Variants in RELN observed in about 807,000 individuals in gnomAD.
RELN encodes the protein reelin.
RELN carries 108 observed loss-of-function variants against 427.6 expected under a neutral mutation model. The ratio of observed to expected loss-of-function variants is 0.25; its 90% CI spans 0.22 to 0.30. The LOEUF (loss-of-function observed/expected upper bound fraction) is 0.30. Ranked by LOEUF, RELN falls within the 10% of genes least tolerant of loss-of-function variation. The pLI is 1.00. For missense variants in RELN, 3,715 were observed against 4,302.8 expected, an observed-to-expected ratio of 0.86 and a Z score of 3.82; for synonymous variants, 1,524 against 1,513.4, an observed-to-expected ratio of 1.01 and a Z score of -0.16.
intron 38 of RELN, among the ~76,000 whole-genome samples, chr7:103,555,453 A>G (rs6943170): frequency 0.024 from 3,621 of 152,258 alleles, 68 homozygotes; most frequent in Middle Eastern, 0.075. Flanking sequence ...GGTGGAATCA[A>G]TGAAAAAATA....
At chr7:103,923,510 A>G (rs1373234471) in intron 1 of RELN, among the ~76,000 whole-genome samples, 1 of 152,234 alleles carries the variant, frequency 6.6e-6, no homozygotes, top group Non-Finnish European at 1.5e-5. Context: ...CTGGAAGTCA[A>G]GATTCACTGA....
At chr7:103,475,465 G>A (rs1828003196) in intron 64 of RELN, among the ~76,000 whole-genome samples, 1 of 151,902 alleles carries the variant, frequency 6.6e-6, no homozygotes, top group Admixed American at 6.6e-5. Context: ...ATAACTATAA[G>A]GAATAATTGC....
chr7:103,941,376 A>G (rs1338609956), intron 1 of RELN, among the ~76,000 whole-genome samples: 1 of 152,206 alleles, frequency 6.6e-6, no homozygotes, highest in Non-Finnish European at 1.5e-5. Flanking sequence ...ATGGAAGAAT[A>G]CAAACCATTT....
At chr7:103,917,303 AT>A (rs1191873079) in intron 1 of RELN, 118 bp from the exon 2 acceptor site, 3 of 788,224 alleles carry the variant, frequency 3.8e-6, no homozygotes, top group African/African-American at 3.5e-5. Context: ...TTTTTATACT[AT>A]ACCTAGTTGG....
chr7:103,632,267 T>G (rs1200676086), intron 19 of RELN, among the ~76,000 whole-genome samples: 1 of 152,230 alleles, frequency 6.6e-6, no homozygotes, highest in Admixed American at 6.5e-5. Context: ...TCTGTGAAAT[T>G]AGAATAATGC....
chr7:103,826,900 G>A (rs1341451638), intron 3 of RELN, among the ~76,000 whole-genome samples: 2 of 151,814 alleles, frequency 1.3e-5, no homozygotes, highest in African/African-American at 2.4e-5. Flanking sequence ...GGAACACCTT[G>A]TGGATACCAA....
intron 3 of RELN, among the ~76,000 whole-genome samples, chr7:103,801,671 T>C (rs1792470431): frequency 6.6e-6 from 1 of 151,792 alleles, no homozygotes; most frequent in African/African-American, 2.4e-5. Flanking sequence ...ATGGCACATA[T>C]ATACCTATGT....
intron 50 of RELN, chr7:103,514,059 T>TATCA (rs1829496360): frequency 1.3e-5 from 2 of 152,200 alleles, no homozygotes; most frequent in African/African-American, 2.4e-5. Flanking sequence ...GGAAGATTCT[T>TATCA]ATCAGTCTTA....
chr7:103,854,824 A>G (rs62482265), intron 2 of RELN, among the ~76,000 whole-genome samples: 22,122 of 152,184 alleles, frequency 0.15, 1,888 homozygotes, highest in East Asian at 0.34. Flanking sequence ...TCTAGCCTGA[A>G]GATTCCGGAT....
At chr7:103,548,269 A>G (rs1267474244) in intron 41 of RELN, among the ~76,000 whole-genome samples, 1 of 152,196 alleles carries the variant, frequency 6.6e-6, no homozygotes, top group African/African-American at 2.4e-5. Context: ...CATTTAATAC[A>G]CTTTTTGTGT....
rs1287668779 is a variant in RELN at position 103,563,977 on chromosome 7, C to T, written c.5210+1301G>A. ...ATGTAAGTTCACTCTATGATGTTCA[C>T]ACAACAATGGAATTGCCTAACGATG... On this transcript the variant is annotated intron_variant, in intron 34 of 64. Transcript: ENST00000428762. The surrounding 1 kb of genome is among the most constrained non-coding windows in gnomAD (Gnocchi z 4.1). Among the ~76,000 whole-genome samples, 1 of 152,142 alleles carries T rather than the reference C, an allele frequency of 6.6e-6. No homozygotes were observed. Among genetic ancestry groups the T allele is most frequent in the Non-Finnish European group, 1.5e-5 (1 of 68,034 alleles).
intron 3 of RELN, among the ~76,000 whole-genome samples, chr7:103,776,977 T>C (rs1182896494): frequency 2.0e-5 from 3 of 152,230 alleles, no homozygotes; most frequent in Non-Finnish European, 2.9e-5. Context: ...TGGAGCAATA[T>C]TGATATTAGT....
Position 103,566,585 on chromosome 7 carries a change from G to T in RELN, c.4747+16C>A. 1 of 1,613,994 alleles carries T rather than the reference G, an allele frequency of 6.2e-7. No homozygotes were observed. The highest frequency in any genetic ancestry group is 1.3e-5 in the African/African-American group (1 of 75,064). On this transcript the variant is annotated intron_variant, in intron 32 of 64. Coordinates refer to ENST00000428762, the MANE Select transcript of RELN (RefSeq NM_005045.4). ...ACCTAAAAGCTACCAGAAAGCTGGA[G>T]TGAGCAGTAACTTACCATGTTGCGG...
At chr7:103,812,579 T>C (rs1232675749) in intron 3 of RELN, among the ~76,000 whole-genome samples, 1 of 152,170 alleles carries the variant, frequency 6.6e-6, no homozygotes, top group Non-Finnish European at 1.5e-5. Context: ...TCTATTGCAG[T>C]TTATAGCTGG....
At chr7:103,805,961 T>C (rs565267161) in intron 3 of RELN, among the ~76,000 whole-genome samples, 1 of 152,174 alleles carries the variant, frequency 6.6e-6, no homozygotes, top group Admixed American at 6.5e-5. Flanking sequence ...AGAGAAAATA[T>C]GTGGAAGAAA....
At chr7:103,753,104 A>G in intron 5 of RELN, 78 bp downstream of exon 5, 2 of 1,421,856 alleles carry the variant, frequency 1.4e-6, no homozygotes, top group East Asian at 2.3e-5. Context: ...CCTCTATAAC[A>G]TCTGCTCGTA....
At chr7:103,751,653 T>A (rs1413377551) in intron 5 of RELN, among the ~76,000 whole-genome samples, 1 of 152,248 alleles carries the variant, frequency 6.6e-6, no homozygotes, top group Non-Finnish European at 1.5e-5. Context: ...TGGCCGAGAC[T>A]TGGCTGGGCC....
At chr7:103,741,842 C>T (rs148965758) in intron 6 of RELN, among the ~76,000 whole-genome samples, 17 of 152,148 alleles carry the variant, frequency 1.1e-4, no homozygotes, top group African/African-American at 2.4e-4. Flanking sequence ...GGAACAGCTC[C>T]GGTCTACAGC....
intron 16 of RELN, among the ~76,000 whole-genome samples, chr7:103,647,649 A>G (rs1478337742): frequency 6.6e-6 from 1 of 152,020 alleles, no homozygotes; most frequent in Non-Finnish European, 1.5e-5. Flanking sequence ...TACAGCTTCA[A>G]TGCAAATCCT....
Sources: allele counts gnomAD v4.1 joint callset (sites outside exome capture counted in the v4.1 genomes callset), GRCh38; gene constraint gnomAD v4.1.1; non-coding constraint Gnocchi (gnomAD v3.1); transcripts MANE v1.5; gene names NCBI Gene and HGNC (gene_info 2026-07-23, HGNC 2026-07-21).